The following NRG3 variants were observed in gnomAD, a reference collection of about 807,000 sequenced individuals.
NRG3 encodes pro-neuregulin-3, membrane-bound isoform.
In NRG3, 31 loss-of-function variants were observed where a neutral mutation model predicts 66.9. That is an observed-to-expected ratio of 0.46 (90% confidence interval 0.35 to 0.63). NRG3 has a LOEUF of 0.63. Among genes scored for constraint, NRG3 ranks in the 20% least tolerant of loss-of-function variants. NRG3 has a pLI of 0.00. For missense variants in NRG3, 910 were observed against 878.9 expected, an observed-to-expected ratio of 1.04 and a Z score of -0.45; for synonymous variants, 393 against 359.4, an observed-to-expected ratio of 1.09 and a Z score of -1.06.
At chr10:82,398,583 G>A (rs7073033) in intron 2 of NRG3, among the ~76,000 whole-genome samples, 60,922 of 150,868 alleles carry the variant, frequency 0.4, 15,060 homozygotes, top group African/African-American at 0.69. Flanking sequence ...ATCAGTAAGA[G>A]GTTAACAAGT....
chr10:82,423,236 A>G (rs979958467), intron 2 of NRG3, among the ~76,000 whole-genome samples: 1 of 151,996 alleles, frequency 6.6e-6, no homozygotes, highest in Non-Finnish European at 1.5e-5. Context: ...TGTTTTAGGA[A>G]AATATTTTAT....
chr10:82,423,292 A>T (rs2136251441), intron 2 of NRG3, among the ~76,000 whole-genome samples: 1 of 152,128 alleles, frequency 6.6e-6, no homozygotes, highest in Admixed American at 6.6e-5. Context: ...GTATTATACT[A>T]GCATGTTAGC....
chr10:81,943,415 A>G lies in NRG3; in HGVS notation c.823+67252A>G, dbSNP rs112327023. Among the ~76,000 whole-genome samples, 1,003 of 152,316 alleles carry G rather than the reference A, an allele frequency of 6.6e-3. 8 individuals are homozygous for G. The highest frequency in any genetic ancestry group is 0.023 in the African/African-American group (945 of 41,578). Reference sequence around the variant, plus strand: ...ATTAAGTTTTTGGGTTGTATGTGCCATCTTTAACAATTCAGGCTTCCCCCT... The same window carrying G: ...ATTAAGTTTTTGGGTTGTATGTGCCGTCTTTAACAATTCAGGCTTCCCCCT... On this transcript the variant is annotated intron_variant, in intron 1 of 8. Transcript: ENST00000372141.
At chr10:81,960,934 T>C (rs1299212900) in intron 1 of NRG3, among the ~76,000 whole-genome samples, 1 of 152,156 alleles carries the variant, frequency 6.6e-6, no homozygotes, top group African/African-American at 2.4e-5. Flanking sequence ...CTTGTTCTAA[T>C]CCTTCTTCTC....
chr10:82,082,177 C>T (rs2065433448), intron 1 of NRG3, among the ~76,000 whole-genome samples: 1 of 152,112 alleles, frequency 6.6e-6, no homozygotes, highest in Non-Finnish European at 1.5e-5. Context: ...GATTTGCTTT[C>T]CTCTTTGTTG....
At chr10:82,211,391 G>A (rs2075385605) in intron 1 of NRG3, among the ~76,000 whole-genome samples, 1 of 152,182 alleles carries the variant, frequency 6.6e-6, no homozygotes, top group South Asian at 2.1e-4. Context: ...AATACAGGAA[G>A]CTTAGAATGA....
intron 1 of NRG3, among the ~76,000 whole-genome samples, chr10:82,168,509 G>T (rs964013569): frequency 6.6e-6 from 1 of 152,106 alleles, no homozygotes; most frequent in Admixed American, 6.6e-5. Context: ...ACATAATCTC[G>T]AGTTTTGAGC....
At chr10:81,896,633 T>A (rs2132612343) in intron 1 of NRG3, among the ~76,000 whole-genome samples, 2 of 151,594 alleles carry the variant, frequency 1.3e-5, no homozygotes, top group East Asian at 3.9e-4. Context: ...TTAGTAGATT[T>A]AATCTCCAGA....
intron 2 of NRG3, among the ~76,000 whole-genome samples, chr10:82,445,872 A>G (rs1207100984): frequency 6.6e-6 from 1 of 152,218 alleles, no homozygotes; most frequent in Non-Finnish European, 1.5e-5. Flanking sequence ...TGAGTGCAGA[A>G]CCAGTTTATT....
chr10:82,584,498 G>T (rs1012890017), intron 2 of NRG3, among the ~76,000 whole-genome samples: 1 of 152,168 alleles, frequency 6.6e-6, no homozygotes, highest in Non-Finnish European at 1.5e-5. Context: ...ATATTAATGT[G>T]TATAAATTAA....
At chr10:82,715,018 T>A (rs1346009823) in intron 2 of NRG3, among the ~76,000 whole-genome samples, 1 of 152,224 alleles carries the variant, frequency 6.6e-6, no homozygotes, top group Non-Finnish European at 1.5e-5. Flanking sequence ...TCATTTCCTA[T>A]TTCCACCCAC....
intron 3 of NRG3, among the ~76,000 whole-genome samples, chr10:82,846,030 G>A (rs1216169013): frequency 6.6e-6 from 1 of 152,148 alleles, no homozygotes; most frequent in Non-Finnish European, 1.5e-5. Context: ...GAGAAACACT[G>A]TCTGGTTGAA....
chr10:82,403,291 C>T (rs1030721555), intron 2 of NRG3, among the ~76,000 whole-genome samples: 1 of 152,128 alleles, frequency 6.6e-6, no homozygotes, highest in Non-Finnish European at 1.5e-5. Context: ...GAATAGGGTC[C>T]AGATTGTCAT....
chr10:82,015,722 C>T (rs924395634), intron 1 of NRG3, among the ~76,000 whole-genome samples: 1 of 151,772 alleles, frequency 6.6e-6, no homozygotes, highest in Non-Finnish European at 1.5e-5. Context: ...TTCTTTATAG[C>T]AGTATGAAAA....
intron 1 of NRG3, among the ~76,000 whole-genome samples, chr10:82,307,537 A>G (rs2080809332): frequency 6.6e-6 from 1 of 152,222 alleles, no homozygotes; most frequent in Admixed American, 6.5e-5. Context: ...CAATGAGGCC[A>G]AAATTATCAA....
chr10:82,595,652 G>A (rs576410509), intron 2 of NRG3, among the ~76,000 whole-genome samples: 34 of 152,164 alleles, frequency 2.2e-4, no homozygotes, highest in African/African-American at 7.5e-4. Flanking sequence ...AGGCACGGTG[G>A]TGGGCGCCTG....
At chr10:82,551,186 A>T (rs1360578918) in intron 2 of NRG3, among the ~76,000 whole-genome samples, 1 of 152,214 alleles carries the variant, frequency 6.6e-6, no homozygotes, top group Non-Finnish European at 1.5e-5. Context: ...TTGAGGAAGT[A>T]GCATGCAGAG....
intron 2 of NRG3, among the ~76,000 whole-genome samples, chr10:82,656,308 C>CTTTTTTTTTTT (rs3040205): frequency 1.6e-4 from 21 of 131,992 alleles, no homozygotes; most frequent in South Asian, 2.4e-4. Flanking sequence ...TTTCTTTTTT[C>CTTTTTTTTTTT]TTTTTTTTTT....
At chr10:82,258,828 A>G (rs889818533) in intron 1 of NRG3, among the ~76,000 whole-genome samples, 11 of 152,180 alleles carry the variant, frequency 7.2e-5, no homozygotes, top group Non-Finnish European at 1.3e-4. Flanking sequence ...CTTGTGATAG[A>G]TCCAGGATTT....
Sources: allele counts gnomAD v4.1 joint callset (sites outside exome capture counted in the v4.1 genomes callset), GRCh38; gene constraint gnomAD v4.1.1; transcripts MANE v1.5; gene names NCBI Gene and HGNC (gene_info 2026-07-23, HGNC 2026-07-21).